Variants in JMJD1C observed in about 807,000 individuals in gnomAD.
JMJD1C encodes jumonji domain-containing protein 1C.
A neutral mutation model predicts 245.3 loss-of-function variants in JMJD1C; 31 were observed. That is an observed-to-expected ratio of 0.13 (90% CI 0.09 to 0.17). The LOEUF (loss-of-function observed/expected upper bound fraction) is 0.17. Among genes scored for constraint, JMJD1C ranks in the 10% least tolerant of loss-of-function variants. The probability of loss-of-function intolerance (pLI) is 1.00; values close to 1 mark genes in which losing one functional copy is unlikely to be tolerated. For synonymous variants in JMJD1C, 1,057 were observed against 1,017.4 expected (o/e 1.04, Z -0.74); for missense variants, 2,691 against 3,000.2 (o/e 0.90, Z 2.41).
At chr10:63,431,748 G>A (rs968739338) in intron 1 of JMJD1C, among the ~76,000 whole-genome samples, 16 of 152,148 alleles carry the variant, frequency 1.1e-4, no homozygotes, top group South Asian at 2.1e-4. Context: ...GCGCAGTGGC[G>A]CACGCCTGTA....
Position 63,183,450 on chromosome 10 carries a change from C to A in JMJD1C, c.7081G>T (p.Ala2361Ser). Residue 2361 changes from alanine to serine, a missense_variant, in exon 22 of 26, where the codon GCA (alanine) becomes TCA (serine). Around this residue, in one of 9 missense-constraint regions of JMJD1C, gnomAD observed 232 missense variants for 416.1 expected, o/e 0.56. Coordinates refer to ENST00000399262, the MANE Select transcript of JMJD1C (RefSeq NM_032776.3). ...IAKGNGILSK[A>S]GILKKFEEED... ...CTACTTATTCTTTTAAGTTTACCTG[C>A]TTTTGAGAGAATGCCATTTCCTTTT... is the stretch of plus-strand genomic sequence containing the variant. The A allele has an allele frequency of 1.2e-6, 2 of 1,606,196 alleles. No homozygotes were observed. Among genetic ancestry groups the A allele is most frequent in the African/African-American group, 2.7e-5 (2 of 74,630 alleles).
At chr10:63,380,739 A>G (rs1947148670) in intron 1 of JMJD1C, among the ~76,000 whole-genome samples, 1 of 152,258 alleles carries the variant, frequency 6.6e-6, no homozygotes, top group South Asian at 2.1e-4. Context: ...TGGTTACCAT[A>G]CTGTGCTATC....
chr10:63,370,396 G>A (rs1946210525), intron 2 of JMJD1C, among the ~76,000 whole-genome samples: 1 of 152,168 alleles, frequency 6.6e-6, no homozygotes, highest in Non-Finnish European at 1.5e-5. Context: ...TTTATATACT[G>A]TCTTGCTTGA....
intron 2 of JMJD1C, among the ~76,000 whole-genome samples, chr10:63,296,014 T>TATATA (rs1554877207): frequency 1.0e-3 from 25 of 23,844 alleles, no homozygotes; most frequent in African/African-American, 5.3e-3. Flanking sequence ...TATATATATA[T>TATATA]TTTTTTTTTT....
intron 2 of JMJD1C, among the ~76,000 whole-genome samples, chr10:63,296,203 C>A (rs1859417689): frequency 6.6e-6 from 1 of 151,106 alleles, no homozygotes; most frequent in African/African-American, 2.4e-5. Context: ...AGAGACAGGT[C>A]TTCACCATGT....
intron 8 of JMJD1C, among the ~76,000 whole-genome samples, chr10:63,212,551 G>A (rs552862593): frequency 2.6e-5 from 4 of 151,974 alleles, no homozygotes; most frequent in South Asian, 2.1e-4. Flanking sequence ...GCCTTATACC[G>A]CTACCTTTAG....
At chr10:63,202,925 ATTTCTT>A (rs1049654182) in intron 10 of JMJD1C, 4 of 979,536 alleles carry the variant, frequency 4.1e-6, no homozygotes, top group Admixed American at 6.1e-5. Context: ...AATACAGTCT[ATTTCTT>A]TTTATTATAT....
At chr10:63,460,124 C>G (rs1393847332) in intron 1 of JMJD1C, among the ~76,000 whole-genome samples, 1 of 152,126 alleles carries the variant, frequency 6.6e-6, no homozygotes, top group Non-Finnish European at 1.5e-5. Context: ...CATGGCCCAT[C>G]CTGTAGTCAA....
At chr10:63,272,439 C>G (rs1327227740) in intron 2 of JMJD1C, among the ~76,000 whole-genome samples, 1 of 152,146 alleles carries the variant, frequency 6.6e-6, no homozygotes, top group Non-Finnish European at 1.5e-5. Flanking sequence ...TTAGTAGAGA[C>G]AGGGTTTCAC....
intron 1 of JMJD1C, among the ~76,000 whole-genome samples, chr10:63,477,553 C>CAAAAAAAAAAAAA (rs34332584): frequency 7.9e-6 from 1 of 126,688 alleles, no homozygotes; most frequent in Non-Finnish European, 1.7e-5. Context: ...ATCCATATGT[C>CAAAAAAAAAAAAA]AAAAAAAAAA....
chr10:63,447,391 AAAAC>A (rs767311154), intron 1 of JMJD1C, among the ~76,000 whole-genome samples: 15 of 152,238 alleles, frequency 9.9e-5, no homozygotes, highest in Non-Finnish European at 2.2e-4. Context: ...GAGGAAGAAA[AAAAC>A]TATAATATTA....
intron 2 of JMJD1C, among the ~76,000 whole-genome samples, chr10:63,371,169 T>A (rs372925289): frequency 5.3e-5 from 8 of 150,190 alleles, no homozygotes; most frequent in African/African-American, 2.0e-4. Flanking sequence ...TTGGTAGGGA[T>A]GAGGGTATAG....
chr10:63,389,444 CTTTTTTTTTTCCTTT>C (rs984221531), intron 1 of JMJD1C, among the ~76,000 whole-genome samples: 2 of 139,910 alleles, frequency 1.4e-5, no homozygotes, highest in African/African-American at 5.2e-5. Context: ...TTTTGTTTTT[CTTTTTTTTTTCCTTT>C]TTTTTTTTTC....
At chr10:63,363,006 A>G (rs1180943315) in intron 2 of JMJD1C, among the ~76,000 whole-genome samples, 2 of 152,048 alleles carry the variant, frequency 1.3e-5, no homozygotes, top group Non-Finnish European at 2.9e-5. Flanking sequence ...ACAATCCTCT[A>G]ATCATTTCAG....
chr10:63,217,559 AAGAG>A, intron 4 of JMJD1C: 2 of 299,244 alleles, frequency 6.7e-6, no homozygotes, highest in Non-Finnish European at 6.1e-6. Flanking sequence ...AAAATACTTT[AAGAG>A]AGAAGGAAGG....
intron 24 of JMJD1C, among the ~76,000 whole-genome samples, chr10:63,171,599 TGTGTGGTTTCCAAA>T (rs1198163622): frequency 6.6e-6 from 1 of 152,196 alleles, no homozygotes; most frequent in Non-Finnish European, 1.5e-5. Flanking sequence ...GATTCCTATT[TGTGTGGTTTCCAAA>T]GTGTGGTCCC....
At chr10:63,332,984 T>C (rs1257725147) in intron 2 of JMJD1C, among the ~76,000 whole-genome samples, 1 of 151,982 alleles carries the variant, frequency 6.6e-6, no homozygotes, top group Non-Finnish European at 1.5e-5. Flanking sequence ...TTCTCAAAAA[T>C]AAAAAAAGCA....
intron 2 of JMJD1C, among the ~76,000 whole-genome samples, chr10:63,314,633 T>G (rs371867301): frequency 6.6e-6 from 1 of 152,142 alleles, no homozygotes; most frequent in African/African-American, 2.4e-5. Context: ...AGTTTTGTTT[T>G]TTTTTTTTTC....
intron 1 of JMJD1C, among the ~76,000 whole-genome samples, chr10:63,509,787 C>T (rs1954821639): frequency 6.6e-6 from 1 of 151,954 alleles, no homozygotes; most frequent in African/African-American, 2.4e-5. Flanking sequence ...TAATTTGTAT[C>T]CTTTCTTTTT....
Sources: gnomAD v4.1 joint callset for allele counts (sites outside exome capture counted in the v4.1 genomes callset) on GRCh38, gnomAD v4.1.1 for gene constraint, gnomAD v4.1.1 regional missense constraint, MANE v1.5 for transcripts, NCBI Gene and HGNC (gene_info 2026-07-23, HGNC 2026-07-21) for gene names.